The following SNTB1 variants were observed in gnomAD, a reference collection of about 807,000 sequenced individuals.
The protein encoded by SNTB1 is syntrophin beta 1, also known as beta-1-syntrophin.
Under a neutral mutation model 48.9 loss-of-function variants are expected in SNTB1, and 36 were observed. That is an observed-to-expected ratio of 0.74 (90% CI 0.56 to 0.97). The LOEUF (loss-of-function observed/expected upper bound fraction) is 0.97. SNTB1 is among the 50% of genes least tolerant of loss of function. The pLI is 0.00. For missense variants in SNTB1, 786 were observed against 703.4 expected (o/e 1.12, Z -1.33); for synonymous variants, 299 against 294.6 (o/e 1.01, Z -0.15).
At chr8:120,810,197 C>G (rs1227738309) in intron 1 of SNTB1, among the ~76,000 whole-genome samples, 1 of 152,190 alleles carries the variant, frequency 6.6e-6, no homozygotes, top group Non-Finnish European at 1.5e-5. Flanking sequence ...CAATCTACAG[C>G]TAGGCTAGGC....
Position 120,812,020 on chromosome 8 carries a change from T to C in SNTB1, c.-177A>G. The C allele has an allele frequency of 7.9e-7, 1 of 1,265,636 alleles. No individual in the cohort carries two copies. The highest frequency in any genetic ancestry group is 9.9e-7 in the Non-Finnish European group (1 of 1,011,238). 78.4% of individuals were successfully genotyped at this position (1,265,636 alleles called of 1,614,324 possible). On this transcript the variant is annotated 5_prime_UTR_variant, in exon 1 of 7. Coordinates refer to ENST00000517992, the MANE Select transcript of SNTB1 (RefSeq NM_021021.4). ...GACGCACTCGGCGGGAGTTGGCAGCTGCACTCAGGCTGGTTCCCCCTCGCC... is the reference window on the plus strand; with the variant it reads ...GACGCACTCGGCGGGAGTTGGCAGCCGCACTCAGGCTGGTTCCCCCTCGCC...
rs1421531249 is a variant in SNTB1, at chr8:120,811,506, A to G, written c.338T>C (p.Val113Ala). Residue 113 changes from valine to alanine, a missense_variant, in exon 1 of 7, where the codon GTG (valine) becomes GCG (alanine). Val to Ala is a moderately conservative substitution (Grantham distance 64). Coordinates refer to ENST00000517992, the MANE Select transcript of SNTB1 (RefSeq NM_021021.4). The stretch of plus-strand genomic sequence containing the variant: ...GCCCAGCTCCTGCTTCAGCACCTTC[A>G]CGCCACGCTTCTGGTTCGAGATGGA... Reference protein sequence around the residue: ...PESISNQKRGVKVLKQELGGL... With the variant: ...PESISNQKRGAKVLKQELGGL... 1 of 1,613,374 alleles carries G rather than the reference A, an allele frequency of 6.2e-7. No individual in the cohort carries two copies. The highest frequency in any genetic ancestry group is 8.5e-7 in the Non-Finnish European group (1 of 1,179,748).
At chr8:120,623,296 A>G (rs926269952) in intron 3 of SNTB1, among the ~76,000 whole-genome samples, 8 of 152,186 alleles carry the variant, frequency 5.3e-5, no homozygotes, top group African/African-American at 1.9e-4. Context: ...TTTGAGCCTC[A>G]CATGTTTCCA....
chr8:120,609,216 G>A (rs1278112797), intron 3 of SNTB1, among the ~76,000 whole-genome samples: 1 of 152,170 alleles, frequency 6.6e-6, no homozygotes, highest in Admixed American at 6.5e-5. Context: ...CTAGTTCCAG[G>A]CAAGAAAAAA....
chr8:120,652,524 C>CA (rs879313850), intron 2 of SNTB1, among the ~76,000 whole-genome samples: 3 of 145,922 alleles, frequency 2.1e-5, no homozygotes, highest in African/African-American at 7.5e-5. Context: ...TGCTACATTC[C>CA]TTTTTTTTTT....
chr8:120,570,299 C>T (rs1372029276), intron 4 of SNTB1: 3 of 152,094 alleles, frequency 2.0e-5, no homozygotes, highest in African/African-American at 7.2e-5. Context: ...AAATTGGATT[C>T]AGCAGTCACT....
chr8:120,758,038 C>G (rs888401240), intron 1 of SNTB1, among the ~76,000 whole-genome samples: 4 of 152,196 alleles, frequency 2.6e-5, no homozygotes, highest in South Asian at 2.1e-4. Flanking sequence ...TCTGCTAACC[C>G]TATGAAGTAA....
At chr8:120,644,612 G>A (rs1327653198) in intron 2 of SNTB1, among the ~76,000 whole-genome samples, 3 of 151,928 alleles carry the variant, frequency 2.0e-5, no homozygotes, top group Non-Finnish European at 4.4e-5. Context: ...GAATAATGTC[G>A]CAATAAACAT....
intron 1 of SNTB1, among the ~76,000 whole-genome samples, chr8:120,793,836 A>G (rs1428254116): frequency 6.6e-6 from 1 of 152,052 alleles, no homozygotes; most frequent in Middle Eastern, 3.2e-3. Flanking sequence ...AAACCCCCCA[A>G]AATTATTAAG....
intron 1 of SNTB1, among the ~76,000 whole-genome samples, chr8:120,711,403 C>G (rs1203917909): frequency 6.6e-6 from 1 of 152,120 alleles, no homozygotes; most frequent in East Asian, 1.9e-4. Context: ...GGCCTCACAG[C>G]TCCCTGAGAT....
chr8:120,761,752 C>T (rs1279903703), intron 1 of SNTB1, among the ~76,000 whole-genome samples: 3 of 152,186 alleles, frequency 2.0e-5, no homozygotes, highest in East Asian at 3.8e-4. Flanking sequence ...TCAGTCATCA[C>T]TTCCCAGACA....
At chr8:120,646,623 T>A (rs1372935065) in intron 2 of SNTB1, among the ~76,000 whole-genome samples, 3 of 151,966 alleles carry the variant, frequency 2.0e-5, no homozygotes, top group African/African-American at 7.3e-5. Flanking sequence ...GGTCTAAAAT[T>A]CTCTTTTTTT....
intron 3 of SNTB1, among the ~76,000 whole-genome samples, chr8:120,619,685 A>G (rs894100039): frequency 6.6e-6 from 1 of 152,098 alleles, no homozygotes; most frequent in African/African-American, 2.4e-5. Flanking sequence ...GGCCTTCATG[A>G]TTTAATACAG....
chr8:120,578,561 G>T (rs1815987105), intron 3 of SNTB1, among the ~76,000 whole-genome samples: 2 of 152,164 alleles, frequency 1.3e-5, no homozygotes, highest in Non-Finnish European at 2.9e-5. Flanking sequence ...GCTGCAGTCA[G>T]TTTCTCAAGA....
intron 4 of SNTB1, among the ~76,000 whole-genome samples, chr8:120,572,739 C>G (rs955855787): frequency 1.6e-5 from 2 of 123,142 alleles, no homozygotes; most frequent in African/African-American, 5.4e-5. Context: ...AAAAACAAAA[C>G]GAACAAAACA....
intron 4 of SNTB1, among the ~76,000 whole-genome samples, chr8:120,562,906 G>T (rs1815685706): frequency 6.6e-6 from 1 of 151,306 alleles, no homozygotes; most frequent in Non-Finnish European, 1.5e-5. Flanking sequence ...AAAAGAAAAA[G>T]AAACGGGTTA....
intron 1 of SNTB1, chr8:120,769,792 A>G (rs1227446657): frequency 6.6e-6 from 1 of 152,218 alleles, no homozygotes; most frequent in Non-Finnish European, 1.5e-5. Flanking sequence ...AATCCCCAGA[A>G]TGGTAAGAAA....
chr8:120,700,156 C>CGTGTGTGTGTGTGTGTGTGTGT (rs58077307), intron 1 of SNTB1, among the ~76,000 whole-genome samples: 14 of 149,276 alleles, frequency 9.4e-5, no homozygotes, highest in Admixed American at 4.0e-4. Context: ...AAAAAAATTG[C>CGTGTGTGTGTGTGTGTGTGTGT]GTGTGTGTGT....
chr8:120,729,612 T>G (rs1013086212), intron 1 of SNTB1, among the ~76,000 whole-genome samples: 6 of 152,206 alleles, frequency 3.9e-5, no homozygotes, highest in Non-Finnish European at 7.3e-5. Context: ...AAAATTAACT[T>G]TAAAAATAAT....
Sources: allele counts gnomAD v4.1 joint callset (sites outside exome capture counted in the v4.1 genomes callset), GRCh38; gene constraint gnomAD v4.1.1; transcripts MANE v1.5; gene names NCBI Gene and HGNC (gene_info 2026-07-23, HGNC 2026-07-21).